WRNIP1: variants seen among roughly 807,000 people sequenced by gnomAD.
WRNIP1 encodes the protein ATPase WRNIP1.
In WRNIP1, 41 loss-of-function variants were observed where a neutral mutation model predicts 56.1. That is an observed-to-expected ratio of 0.73 (90% CI 0.57 to 0.95). The LOEUF is 0.95. Among genes scored for constraint, WRNIP1 ranks in the 40% least tolerant of loss-of-function variants. The pLI, the probability that WRNIP1 is intolerant of heterozygous loss-of-function variation, is 0.00. For synonymous variants in WRNIP1, 547 were observed against 398.1 expected, an observed-to-expected ratio of 1.37 and a Z score of -4.45; for missense variants, 1,170 against 939.4, an observed-to-expected ratio of 1.25 and a Z score of -3.21.
intron 1 of WRNIP1, 43 bp downstream of exon 1, chr6:2,766,487 C>T (rs1764997366): frequency 4.8e-6 from 7 of 1,458,648 alleles, no homozygotes; most frequent in Non-Finnish European, 5.5e-6. Context: ...GTTATCTCGG[C>T]GGTGGATGCA....
intron 4 of WRNIP1, 108 bp from the exon 5 acceptor site, chr6:2,783,298 C>G (rs1470493627): frequency 7.9e-7 from 1 of 1,267,152 alleles, no homozygotes; most frequent in Non-Finnish European, 1.1e-6. Context: ...TCGGCTTTCT[C>G]AGGGCCTTTA....
chr6:2,779,342 G>A lies in WRNIP1; in HGVS notation c.1336G>A (p.Gly446Arg), dbSNP rs780215190. The change falls in exon 4 of 7, where the codon GGA (glycine) becomes AGA (arginine). Residue 446 changes from glycine (G) to arginine (R), a missense_variant. By Grantham distance (125) the Gly-to-Arg change is moderately radical. Transcript: ENST00000380773. The stretch of plus-strand genomic sequence containing the variant: ...CGGTGACGCCCGAGCTGGGTTGAAC[G>A]GACTGCAGCTGGCGGTGCTGGCTAG... Reference protein sequence around the residue: ...SDGDARAGLNGLQLAVLARLS... With the variant: ...SDGDARAGLNRLQLAVLARLS... 11 of 1,614,060 alleles carry A rather than the reference G, an allele frequency of 6.8e-6. No individual in the cohort carries two copies. Among genetic ancestry groups the A allele is most frequent in the Admixed American group, 1.7e-5 (1 of 60,008 alleles).
rs1408492279 is a variant in WRNIP1, at chr6:2,786,800, CTT to C, written c.*1520_*1521del. 1 of 152,202 alleles carries C rather than the reference CTT, an allele frequency of 6.6e-6. No homozygotes were observed. The highest frequency in any genetic ancestry group is 2.4e-5 in the African/African-American group (1 of 41,436). The allele number at this position is 152,202 out of a possible 1,614,324, so 9.4% of individuals were successfully genotyped here. On this transcript the variant is annotated 3_prime_UTR_variant, in exon 7 of 7. Coordinates refer to ENST00000380773, the MANE Select transcript of WRNIP1 (RefSeq NM_020135.3). ...TCTATCAACTTGTAGACTCTTCTGTCTTTGCTCCCCGTGTTTTAAAAGTCTGC... is the reference window on the plus strand; with the variant it reads ...TCTATCAACTTGTAGACTCTTCTGTCTGCTCCCCGTGTTTTAAAAGTCTGC...
chr6:2,766,293 G>A lies in WRNIP1; in HGVS notation c.671G>A (p.Gly224Asp), dbSNP rs748452904. The A allele has an allele frequency of 1.2e-6, 2 of 1,601,828 alleles. No individual in the cohort carries two copies. Among genetic ancestry groups the A allele is most frequent in the South Asian group, 1.1e-5 (1 of 89,234 alleles). Reference protein sequence around the residue: ...AAEEIRQMLQGKPLADTMRPD... With the variant: ...AAEEIRQMLQDKPLADTMRPD... ...GAGGAGATCCGACAGATGCTACAGG[G>A]CAAGCCGCTGGCCGACACGATGCGT... is the stretch of plus-strand genomic sequence containing the variant. The change falls in exon 1 of 7, where the codon GGC (glycine) becomes GAC (aspartate). Residue 224 changes from glycine (G) to aspartate (D), a missense_variant. Gly to Asp is a moderately conservative substitution (Grantham distance 94). Coordinates refer to ENST00000380773, the MANE Select transcript of WRNIP1 (RefSeq NM_020135.3).
At chr6:2,780,171 A>G (rs990690375) in intron 4 of WRNIP1, among the ~76,000 whole-genome samples, 1 of 152,234 alleles carries the variant, frequency 6.6e-6, no homozygotes, top group African/African-American at 2.4e-5. Context: ...TAGATTAGCA[A>G]ACTTCTGCTG....
chr6:2,780,103 T>G (rs1248657672), intron 4 of WRNIP1, among the ~76,000 whole-genome samples: 1 of 152,222 alleles, frequency 6.6e-6, no homozygotes, highest in Non-Finnish European at 1.5e-5. Context: ...TAAATGTCAT[T>G]AGCACAGCAC....
chr6:2,768,935 A>C (rs926889970), intron 2 of WRNIP1, 53 bp downstream of exon 2: 4 of 1,527,430 alleles, frequency 2.6e-6, no homozygotes, highest in Middle Eastern at 2.4e-4. Context: ...AACAATATAA[A>C]GTGTGTGAGA....
At position 2,765,491 on chromosome 6, in the gene WRNIP1, G is replaced by A. The variant is rs1165360979; in HGVS notation, c.-132G>A. On this transcript the variant is annotated 5_prime_UTR_variant, in exon 1 of 7. Transcript: ENST00000380773. ...TGAGGCATGAGCGGCGCCCTCCTCC[G>A]GCCCGCGAGCGTCCTGCTGGTTCCC... is the stretch of plus-strand genomic sequence containing the variant. 3 of 1,176,030 alleles carry A rather than the reference G, an allele frequency of 2.6e-6. No homozygotes were observed. The highest frequency in any genetic ancestry group is 8.9e-5 in the Admixed American group (2 of 22,522). The allele number at this position is 1,176,030 out of a possible 1,614,324, so 72.8% of individuals were successfully genotyped here. A position where few individuals can be genotyped will look rare whatever the true frequency, so the allele number is the denominator to read the frequency against.
chr6:2,781,486 A>G (rs1195772042), intron 4 of WRNIP1, among the ~76,000 whole-genome samples: 3 of 152,222 alleles, frequency 2.0e-5, no homozygotes, highest in African/African-American at 7.2e-5. Context: ...ATTGCCCTGG[A>G]AACCTGTTAG....
intron 2 of WRNIP1, among the ~76,000 whole-genome samples, chr6:2,769,702 T>A (rs941154087): frequency 2.4e-4 from 36 of 152,132 alleles, no homozygotes; most frequent in African/African-American, 8.2e-4. Context: ...ATAATATGAT[T>A]GAGTGCTTGC....
At chr6:2,780,133 A>G (rs1396098658) in intron 4 of WRNIP1, among the ~76,000 whole-genome samples, 1 of 152,268 alleles carries the variant, frequency 6.6e-6, no homozygotes, top group African/African-American at 2.4e-5. Flanking sequence ...TTTTTATAAA[A>G]GAAGTGGGAG....
intron 4 of WRNIP1, among the ~76,000 whole-genome samples, chr6:2,783,046 T>C (rs1440815115): frequency 6.7e-6 from 1 of 150,344 alleles, no homozygotes; most frequent in Non-Finnish European, 1.5e-5. Context: ...CAGTAGATGG[T>C]GGGCCACGGG....
chr6:2,766,186 C>G lies in WRNIP1; in HGVS notation c.564C>G (p.His188Gln). ...CGGACGGCGAGGACGACCCGGGGCA[C>G]TGGGACGCGGACGCTGCCGAAGCCG... ...ADADGEDDPG[H>Q]WDADAAEAAT... Residue 188 changes from histidine (H) to glutamine (Q), a missense_variant, in exon 1 of 7, where the codon CAC (histidine) becomes CAG (glutamine). Coordinates refer to ENST00000380773, the MANE Select transcript of WRNIP1 (RefSeq NM_020135.3). The G allele has an allele frequency of 1.4e-6, 2 of 1,386,326 alleles. No individual in the cohort carries two copies. The highest frequency in any genetic ancestry group is 1.9e-6 in the Non-Finnish European group (2 of 1,072,314). 85.9% of individuals were successfully genotyped at this position (1,386,326 alleles called of 1,614,324 possible).
Position 2,765,894 on chromosome 6 carries a change from GCAGCGA to G in WRNIP1, c.273_278del (p.Ser91_Glu93delinsArg). The G allele has an allele frequency of 6.9e-7, 1 of 1,454,996 alleles. No homozygotes were observed. The highest frequency in any genetic ancestry group is 9.0e-7 in the Non-Finnish European group (1 of 1,105,518). 90.1% of individuals were successfully genotyped at this position (1,454,996 alleles called of 1,614,324 possible). Reference sequence around the variant, plus strand: ...CCAGCCACCCCGACGGCAGCCGAGAGCAGCGAGGGCGAGGGTGAGGAGGGCGACGAC... The same window carrying G: ...CCAGCCACCCCGACGGCAGCCGAGAGGGGCGAGGGTGAGGAGGGCGACGAC... On this transcript the variant is annotated inframe_deletion, in exon 1 of 7. Coordinates refer to ENST00000380773, the MANE Select transcript of WRNIP1 (RefSeq NM_020135.3).
intron 1 of WRNIP1, 23 bp downstream of exon 1, chr6:2,766,467 G>A (rs758748363): frequency 6.7e-7 from 1 of 1,485,430 alleles, no homozygotes. Context: ...TTGGCCGTTG[G>A]GCTTCCGTAG....
At chr6:2,783,674 G>GT (rs1554138522) in intron 5 of WRNIP1, 113 bp downstream of exon 5, 2 of 643,100 alleles carry the variant, frequency 3.1e-6, no homozygotes, top group African/African-American at 4.1e-5. Context: ...GTGGGCGGGG[G>GT]TAGCAGGAAG....
intron 3 of WRNIP1, chr6:2,773,946 T>C: frequency 1.0e-6 from 1 of 985,260 alleles, no homozygotes; most frequent in Non-Finnish European, 1.2e-6. Flanking sequence ...GGTGTGGGGC[T>C]TTTCTCTAAT....
intron 3 of WRNIP1, among the ~76,000 whole-genome samples, chr6:2,771,222 A>C (rs1029690997): frequency 2.0e-5 from 3 of 152,160 alleles, no homozygotes; most frequent in Non-Finnish European, 4.4e-5. Context: ...GTGAGGATTA[A>C]AGTACAAGGC....
intron 4 of WRNIP1, among the ~76,000 whole-genome samples, chr6:2,782,124 C>G (rs769677885): frequency 9.9e-5 from 15 of 152,256 alleles, no homozygotes; most frequent in Non-Finnish European, 1.8e-4. Context: ...ACCTGCTACC[C>G]TCTTCCCCGC....
Sources: gnomAD v4.1 joint callset for allele counts (sites outside exome capture counted in the v4.1 genomes callset) on GRCh38, gnomAD v4.1.1 for gene constraint, MANE v1.5 for transcripts, NCBI Gene and HGNC (gene_info 2026-07-23, HGNC 2026-07-21) for gene names.